LSMEM2: variants seen among roughly 807,000 people sequenced by gnomAD.
LSMEM2 encodes leucine-rich single-pass membrane protein 2.
A neutral mutation model predicts 17.3 loss-of-function variants in LSMEM2; 20 were observed. The ratio of observed to expected loss-of-function variants is 1.16; its 90% CI spans 0.81 to 1.68. LSMEM2 has a LOEUF of 1.68. Among genes scored for constraint, LSMEM2 ranks in the 40% most tolerant of loss-of-function variants. The pLI, the probability that LSMEM2 is intolerant of heterozygous loss-of-function variation, is 0.00. For synonymous variants in LSMEM2, 94 were observed against 97.8 expected (o/e 0.96, Z 0.23); for missense variants, 207 against 214.3 (o/e 0.97, Z 0.21).
intron 1 of LSMEM2, among the ~76,000 whole-genome samples, chr3:50,279,410 G>A (rs995095418): frequency 6.6e-6 from 1 of 152,200 alleles, no homozygotes; most frequent in Non-Finnish European, 1.5e-5. Flanking sequence ...ACATCAAGGA[G>A]GGATGGGAGA....
intron 1 of LSMEM2, among the ~76,000 whole-genome samples, chr3:50,285,205 G>A (rs587757132): frequency 1.8e-4 from 28 of 151,734 alleles, no homozygotes; most frequent in African/African-American, 5.8e-4. Flanking sequence ...GGTGGAAGGC[G>A]CCTGTAATCC....
chr3:50,285,848 A>G (rs587750860), intron 1 of LSMEM2, among the ~76,000 whole-genome samples: 1 of 152,340 alleles, frequency 6.6e-6, no homozygotes, highest in African/African-American at 2.4e-5. Flanking sequence ...GTCTCAAAAA[A>G]AAAAGGGGGG....
chr3:50,286,371 C>T, intron 1 of LSMEM2, 100 bp from the exon 2 acceptor site: 1 of 1,463,270 alleles, frequency 6.8e-7, no homozygotes, highest in Non-Finnish European at 9.0e-7. Flanking sequence ...AAATGTCCCA[C>T]TATCCCTATC....
In LSMEM2 at chr3:50,286,835, C is replaced by T. The variant is rs1553708606; in HGVS notation, c.334C>T (p.Leu112Phe). Residue 112 changes from leucine to phenylalanine, a missense_variant, in exon 3 of 4, where the codon CTC becomes TTC. Coordinates refer to ENST00000316436, the MANE Select transcript of LSMEM2 (RefSeq NM_153215.3). The part of the protein sequence containing the change: ...LALLVLTCLV[L>F]ALLAVYLSVL... ...GCTGCTGGTGCTCACTTGCCTAGTGCTCGCACTCCTGGCTGTCTACCTGAG... is the reference window on the plus strand; with the variant it reads ...GCTGCTGGTGCTCACTTGCCTAGTGTTCGCACTCCTGGCTGTCTACCTGAG... The T allele has an allele frequency of 6.2e-7, 1 of 1,613,850 alleles. No homozygotes were observed. The highest frequency in any genetic ancestry group is 1.7e-5 in the Admixed American group (1 of 60,002).
Position 50,286,808 on chromosome 3 carries a change from G to A in LSMEM2, c.307G>A (p.Ala103Thr), listed in dbSNP as rs782152277. The A allele has an allele frequency of 1.1e-5, 17 of 1,613,968 alleles. No individual in the cohort carries two copies. The South Asian group carries it at 1.2e-4, about 11-fold the overall frequency. The change falls in exon 3 of 4, where the codon GCG becomes ACG. Residue 103 changes from alanine to threonine, a missense_variant. Transcript: ENST00000316436. The part of the protein sequence containing the change: ...YRRGGFLLLL[A>T]LLVLTCLVLA... ...ACGAGGAGGGTTCCTGCTGCTGCTC[G>A]CGCTGCTGGTGCTCACTTGCCTAGT...
chr3:50,278,379 C>A (rs910714378), upstream of LSMEM2, among the ~76,000 whole-genome samples: 42 of 152,192 alleles, frequency 2.8e-4, no homozygotes, highest in African/African-American at 9.2e-4. Context: ...AGGGGAAGAC[C>A]AAAACCGTGG....
In LSMEM2 at chr3:50,287,447, C is replaced by T. The variant is rs1701577156; in HGVS notation, c.*245C>T. ...TGGCCCAAGGTCAGGGGAAGGGGCA[C>T]CAGCCTCCTGGCTCCTCCTGTGGCC... On this transcript the variant is annotated 3_prime_UTR_variant, in exon 4 of 4. Transcript: ENST00000316436. 1.8e-6 allele frequency: 1 copy of T among 566,406 alleles called. No individual in the cohort carries two copies. Among genetic ancestry groups the T allele is most frequent in the Non-Finnish European group, 3.1e-6 (1 of 318,924 alleles). The allele number at this position is 566,406 out of a possible 1,614,324, so 35.1% of individuals were successfully genotyped here. A position where few individuals can be genotyped will look rare whatever the true frequency, so the allele number is the denominator to read the frequency against.
chr3:50,287,473 T>G lies in LSMEM2; in HGVS notation c.*271T>G, dbSNP rs1045047249. ...CAGCCTCCTGGCTCCTCCTGTGGCC[T>G]GTCAACACTCTCTGGCCACCCCAGA... On this transcript the variant is annotated 3_prime_UTR_variant, in exon 4 of 4. Coordinates refer to ENST00000316436, the MANE Select transcript of LSMEM2 (RefSeq NM_153215.3). The G allele has an allele frequency of 1.7e-5, 9 of 519,956 alleles. No individual in the cohort carries two copies. The highest frequency in any genetic ancestry group is 3.1e-5 in the Non-Finnish European group (9 of 286,952). The allele number at this position is 519,956 out of a possible 1,614,324, so 32.2% of individuals were successfully genotyped here. A position where few individuals can be genotyped will look rare whatever the true frequency, so the allele number is the denominator to read the frequency against.
chr3:50,280,423 G>C (rs2082601513), intron 1 of LSMEM2, among the ~76,000 whole-genome samples: 1 of 151,998 alleles, frequency 6.6e-6, no homozygotes, highest in Admixed American at 6.6e-5. Context: ...CCAAATTGTT[G>C]GGATTACAGG....
chr3:50,280,743 G>A (rs1449529420), intron 1 of LSMEM2, among the ~76,000 whole-genome samples: 4 of 151,852 alleles, frequency 2.6e-5, no homozygotes, highest in Non-Finnish European at 5.9e-5. Context: ...ACAGGAGCCC[G>A]CCACTACGCC....
At chr3:50,278,990 C>A, upstream of LSMEM2, 1 of 985,600 alleles carries the variant, frequency 1.0e-6, no homozygotes, top group Non-Finnish European at 1.6e-6. Context: ...CTGAGGGCTG[C>A]CCCCTCTAAA....
At chr3:50,283,323 C>CT (rs2109264510) in intron 1 of LSMEM2, among the ~76,000 whole-genome samples, 2 of 152,098 alleles carry the variant, frequency 1.3e-5, no homozygotes, top group East Asian at 3.9e-4. Context: ...GAAACCCCAT[C>CT]TTTATCAAAA....
At chr3:50,283,447 G>A (rs376632961) in intron 1 of LSMEM2, among the ~76,000 whole-genome samples, 7 of 151,950 alleles carry the variant, frequency 4.6e-5, no homozygotes, top group South Asian at 2.1e-4. Flanking sequence ...CTAACATGGT[G>A]AAACCCCATC....
intron 1 of LSMEM2, among the ~76,000 whole-genome samples, chr3:50,282,896 C>A (rs1036710917): frequency 6.7e-6 from 1 of 149,720 alleles, no homozygotes; most frequent in Non-Finnish European, 1.5e-5. Flanking sequence ...AAAAAACAGA[C>A]AAACAAAAGG....
chr3:50,279,648 T>G (rs1701348568), intron 1 of LSMEM2, among the ~76,000 whole-genome samples: 1 of 152,176 alleles, frequency 6.6e-6, no homozygotes, highest in Non-Finnish European at 1.5e-5. Context: ...TGGGGGTCCC[T>G]TGGCCTGGTC....
chr3:50,278,769 A>G (rs112118695), upstream of LSMEM2, among the ~76,000 whole-genome samples: 200 of 152,268 alleles, frequency 1.3e-3, no homozygotes, highest in African/African-American at 4.6e-3. Context: ...GGGGTGGCCA[A>G]ATAGAGATGC....
chr3:50,286,693 T>G lies in LSMEM2; in HGVS notation c.192T>G (p.Tyr64Ter), dbSNP rs139536893. ...LHSGAGTLRP[Y>*]LTEEARPWDE... Reference sequence around the variant, plus strand: ...ACCCAGCAGGCACACTGCGCCCCTATCTAACTGAAGAGGCACGACCGTGGG... The same window carrying G: ...ACCCAGCAGGCACACTGCGCCCCTAGCTAACTGAAGAGGCACGACCGTGGG... Residue 64 changes from tyrosine to a stop codon, truncating the protein, a stop_gained, in exon 3 of 4, where the codon TAT becomes TAG. Coordinates refer to ENST00000316436, the MANE Select transcript of LSMEM2 (RefSeq NM_153215.3). LOFTEE classifies it high-confidence loss of function. 2 of 1,614,020 alleles carry G rather than the reference T, an allele frequency of 1.2e-6. No homozygotes were observed. The highest frequency in any genetic ancestry group is 1.7e-5 in the Admixed American group (1 of 60,012).
chr3:50,279,937 G>A (rs587637333), intron 1 of LSMEM2, among the ~76,000 whole-genome samples: 3 of 151,680 alleles, frequency 2.0e-5, no homozygotes, highest in South Asian at 2.1e-4. Flanking sequence ...GTACAGTGGC[G>A]TGATCTCGGC....
At chr3:50,282,008 A>G (rs781883382) in intron 1 of LSMEM2, among the ~76,000 whole-genome samples, 7 of 151,920 alleles carry the variant, frequency 4.6e-5, no homozygotes, top group Non-Finnish European at 7.4e-5. Flanking sequence ...GCCCATCACC[A>G]TGCCCGGCTA....
Sources: gnomAD v4.1 joint callset for allele counts (sites outside exome capture counted in the v4.1 genomes callset) on GRCh38, gnomAD v4.1.1 for gene constraint, MANE v1.5 for transcripts, NCBI Gene and HGNC (gene_info 2026-07-23, HGNC 2026-07-21) for gene names.